CA10: variants seen among roughly 807,000 people sequenced by gnomAD.
The protein encoded by CA10 is carbonic anhydrase 10 (inactive).
A neutral mutation model predicts 44.2 loss-of-function variants in CA10; 14 were observed. The observed-to-expected ratio is 0.32, with a 90% CI of 0.21 to 0.50. The LOEUF is 0.50. Ranked by LOEUF, CA10 falls within the 20% of genes least tolerant of loss-of-function variation. The pLI is 0.99. For missense variants in CA10, 350 were observed against 409.7 expected, an observed-to-expected ratio of 0.85 and a Z score of 1.26; for synonymous variants, 159 against 141.6, an observed-to-expected ratio of 1.12 and a Z score of -0.87.
rs1598098044 is a variant in CA10 at position 51,882,019 on chromosome 17, C to G, written c.279+48971G>C. Among the ~76,000 whole-genome samples, 4 of 146,598 alleles carry G rather than the reference C, an allele frequency of 2.7e-5. No homozygotes were observed. In the East Asian group the frequency reaches 8.0e-4, roughly 29 times the overall value. On this transcript the variant is annotated intron_variant, in intron 3 of 8. Coordinates refer to ENST00000451037, the MANE Select transcript of CA10 (RefSeq NM_020178.5). ...AAAAAGTGGAGGAATGCTAATGGTT[C>G]ATCAATAGCCCACAGTTGAATATTG...
chr17:52,062,131 A>T (rs1987405130), intron 2 of CA10, among the ~76,000 whole-genome samples: 2 of 141,860 alleles, frequency 1.4e-5, no homozygotes, highest in Non-Finnish European at 1.5e-5. Context: ...GCAGTGGCAC[A>T]ATCTTGGCTC....
intron 3 of CA10, among the ~76,000 whole-genome samples, chr17:51,817,100 TAGAA>T (rs1469821465): frequency 6.6e-6 from 1 of 152,352 alleles, no homozygotes; most frequent in African/African-American, 2.4e-5. Context: ...AACTTGCTCT[TAGAA>T]AGAATCTTAT....
intron 3 of CA10, among the ~76,000 whole-genome samples, chr17:51,849,227 G>GTATATATATATATATATATA (rs1978665195): frequency 3.9e-5 from 1 of 25,406 alleles, no homozygotes; most frequent in African/African-American, 2.0e-4. Context: ...ATACATATAT[G>GTATATATATATATATATATA]TGTGTGTATA....
At chr17:51,876,506 G>A (rs955948135) in intron 3 of CA10, among the ~76,000 whole-genome samples, 27 of 151,920 alleles carry the variant, frequency 1.8e-4, no homozygotes, top group Non-Finnish European at 3.2e-4. Flanking sequence ...AGTGCAAAAT[G>A]TCTCCACCTT....
At chr17:51,747,317 A>ATTATATATAT (rs1904722895) in intron 4 of CA10, among the ~76,000 whole-genome samples, 1 of 152,230 alleles carries the variant, frequency 6.6e-6, no homozygotes, top group Admixed American at 6.5e-5. Context: ...GTAAAGATGT[A>ATTATATATAT]TTATATATAT....
chr17:52,129,966 C>T (rs1056964745), intron 1 of CA10, among the ~76,000 whole-genome samples: 12 of 152,098 alleles, frequency 7.9e-5, no homozygotes, highest in Non-Finnish European at 2.9e-5. Context: ...AATAAAACAA[C>T]TCACTTTAAA....
chr17:51,761,944 A>C (rs1905226723), intron 3 of CA10: 2 of 152,196 alleles, frequency 1.3e-5, no homozygotes, highest in Admixed American at 6.5e-5. Context: ...TAGAAACTGC[A>C]TGCATCCTTT....
chr17:51,738,243 A>G (rs1916978190), intron 4 of CA10, among the ~76,000 whole-genome samples: 1 of 152,238 alleles, frequency 6.6e-6, no homozygotes, highest in African/African-American at 2.4e-5. Context: ...AAGTTTATCG[A>G]TATGTCAGTG....
At chr17:51,665,749 G>A (rs1914182542) in intron 4 of CA10, among the ~76,000 whole-genome samples, 1 of 152,186 alleles carries the variant, frequency 6.6e-6, no homozygotes, top group Non-Finnish European at 1.5e-5. Flanking sequence ...ACGTAGAAAA[G>A]GCTCAATCAA....
chr17:52,037,906 C>T (rs1287922764), intron 2 of CA10, among the ~76,000 whole-genome samples: 1 of 151,892 alleles, frequency 6.6e-6, no homozygotes, highest in Non-Finnish European at 1.5e-5. Flanking sequence ...ATCTTGCCCA[C>T]CTACTACTAT....
Position 51,730,904 on chromosome 17 carries a change from TAAA to T in CA10, c.465+16726_465+16728del, listed in dbSNP as rs34601669. 1.2e-3 allele frequency among the ~76,000 whole-genome samples: 172 copies of T among 147,752 alleles called. 1 individual carries two copies. Among genetic ancestry groups the T allele is most frequent in the African/African-American group, 2.9e-3 (115 of 40,152 alleles). ...TTAAAAAGATAAGTCAACACAGGGA[TAAA>T]AAAAAAAAAAAGTGCTTGGGTTGTT... is the stretch of plus-strand genomic sequence containing the variant. On this transcript the variant is annotated intron_variant, in intron 4 of 8. Coordinates refer to ENST00000451037, the MANE Select transcript of CA10 (RefSeq NM_020178.5).
At chr17:52,016,625 C>T (rs1417529600) in intron 2 of CA10, among the ~76,000 whole-genome samples, 1 of 151,978 alleles carries the variant, frequency 6.6e-6, no homozygotes, top group African/African-American at 2.4e-5. Flanking sequence ...GTTTAAAAGA[C>T]CCTGGGGCCA....
At chr17:51,967,514 ATGAC>A (rs1984126330) in intron 2 of CA10, among the ~76,000 whole-genome samples, 1 of 151,872 alleles carries the variant, frequency 6.6e-6, no homozygotes, top group South Asian at 2.1e-4. Flanking sequence ...AGCTATAAAA[ATGAC>A]TGATATCATG....
chr17:51,973,432 C>A (rs2081982386), intron 2 of CA10, among the ~76,000 whole-genome samples: 1 of 152,160 alleles, frequency 6.6e-6, no homozygotes, highest in Non-Finnish European at 1.5e-5. Context: ...CTACGAGTCT[C>A]CTAGACTGTA....
intron 3 of CA10, among the ~76,000 whole-genome samples, chr17:51,888,239 G>C (rs1980701330): frequency 6.6e-6 from 1 of 151,666 alleles, no homozygotes; most frequent in Admixed American, 6.6e-5. Context: ...AAAGGAGGAA[G>C]GAAAAAGAAA....
At chr17:51,704,497 T>C (rs1915700546) in intron 4 of CA10, among the ~76,000 whole-genome samples, 1 of 152,228 alleles carries the variant, frequency 6.6e-6, no homozygotes. Flanking sequence ...GAATGCTCTC[T>C]AAGATCTCTT....
chr17:51,658,800 C>A (rs1913894762), intron 4 of CA10, among the ~76,000 whole-genome samples: 1 of 152,154 alleles, frequency 6.6e-6, no homozygotes, highest in African/African-American at 2.4e-5. Context: ...ACTGAGGAAG[C>A]CTTGCCTACC....
At chr17:51,727,579 C>T (rs1916568491) in intron 4 of CA10, among the ~76,000 whole-genome samples, 1 of 152,164 alleles carries the variant, frequency 6.6e-6, no homozygotes, top group Non-Finnish European at 1.5e-5. Context: ...AGGAAGTGGG[C>T]AGTCCTTCTC....
At chr17:51,860,304 C>T (rs1979245628) in intron 3 of CA10, among the ~76,000 whole-genome samples, 1 of 152,200 alleles carries the variant, frequency 6.6e-6, no homozygotes, top group South Asian at 2.1e-4. Flanking sequence ...GACTCAAGCA[C>T]AATGAGATCT....
Sources: gnomAD v4.1 joint callset for allele counts (sites outside exome capture counted in the v4.1 genomes callset) on GRCh38, gnomAD v4.1.1 for gene constraint, MANE v1.5 for transcripts, NCBI Gene and HGNC (gene_info 2026-07-23, HGNC 2026-07-21) for gene names.